GSTM3: variants seen among roughly 807,000 people sequenced by gnomAD.
The protein encoded by GSTM3 is GST class-mu 3.
GSTM3 carries 34 observed loss-of-function variants against 36.1 expected under a neutral mutation model. The ratio of observed to expected loss-of-function variants is 0.94; its 90% CI spans 0.72 to 1.25. GSTM3 has a LOEUF of 1.25. Among genes scored for constraint, GSTM3 ranks in the 50% most tolerant of loss-of-function variants. The pLI is 0.00. For missense variants in GSTM3, 266 were observed against 281.6 expected (o/e 0.94, Z 0.40); for synonymous variants, 102 against 99.5 (o/e 1.03, Z -0.15).
At position 109,740,511 on chromosome 1, in the gene GSTM3, G is replaced by C. The variant is rs1168744883; in HGVS notation, c.-224C>G. On this transcript the variant is annotated splice_region_variant and 5_prime_UTR_variant, in exon 2 of 9. Transcript: ENST00000361066. ...CCCGAGGCGGGACCCGGGCAGGAGTGCTGCAGGAGAGCAAAGGACCCGAGG... is the reference window on the plus strand; with the variant it reads ...CCCGAGGCGGGACCCGGGCAGGAGTCCTGCAGGAGAGCAAAGGACCCGAGG... 1 of 576,000 alleles carries C rather than the reference G, an allele frequency of 1.7e-6. No homozygotes were observed. Among genetic ancestry groups the C allele is most frequent in the African/African-American group, 1.9e-5 (1 of 51,388 alleles). 35.7% of individuals were successfully genotyped at this position (576,000 alleles called of 1,614,324 possible). A position where few individuals can be genotyped will look rare whatever the true frequency, so the allele number is the denominator to read the frequency against.
rs1649311520 is a variant in GSTM3, at chr1:109,739,771, G to GT, written c.124+61dup. Reference sequence around the variant, plus strand: ...GGCGCGACGCCACCACCCTCTGGGCGTAAGAAGACCAGGGCAGGTGGAGGG... The same window carrying GT: ...GGCGCGACGCCACCACCCTCTGGGCGTTAAGAAGACCAGGGCAGGTGGAGGG... On this transcript the variant is annotated intron_variant, in intron 3 of 8. Transcript: ENST00000361066. 3.7e-5 allele frequency: 47 copies of GT among 1,285,606 alleles called. 2 individuals carry two copies. The South Asian group carries it at 5.3e-4, about 15-fold the overall frequency. The allele number at this position is 1,285,606 out of a possible 1,614,324, so 79.6% of individuals were successfully genotyped here.
chr1:109,739,624 C>G, intron 3 of GSTM3, 131 bp from the exon 4 acceptor site: 1 of 771,572 alleles, frequency 1.3e-6, no homozygotes, highest in Non-Finnish European at 2.2e-6. Flanking sequence ...CATTGAGCCT[C>G]TGAGCCCTAT....
chr1:109,740,714 CA>C (rs1469631756), intron 1 of GSTM3, among the ~76,000 whole-genome samples: 1 of 152,214 alleles, frequency 6.6e-6, no homozygotes, highest in African/African-American at 2.4e-5. Flanking sequence ...AAGACTGGGG[CA>C]AGGCCGGAGA....
rs1457592770 is a variant in GSTM3 at position 109,740,381 on chromosome 1, CCCTGACTCCG to C, written c.-104_-95del. The C allele has an allele frequency of 8.8e-7, 1 of 1,135,158 alleles. No individual in the cohort carries two copies. Among genetic ancestry groups the C allele is most frequent in the African/African-American group, 1.5e-5 (1 of 64,604 alleles). 70.3% of individuals were successfully genotyped at this position (1,135,158 alleles called of 1,614,324 possible). A position where few individuals can be genotyped will look rare whatever the true frequency, so the allele number is the denominator to read the frequency against. On this transcript the variant is annotated 5_prime_UTR_variant, in exon 2 of 9. Transcript: ENST00000361066. ...AGGGGGCGGGGCCCACGCGCGGGCGCCCTGACTCCGCCTCCGCCCCGTTCTCCGTCCCTTG... is the reference window on the plus strand; with the variant it reads ...AGGGGGCGGGGCCCACGCGCGGGCGCCCTCCGCCCCGTTCTCCGTCCCTTG...
Position 109,739,417 on chromosome 1 carries a change from A to G in GSTM3, c.189+12T>C. On this transcript the variant is annotated intron_variant, in intron 4 of 8. Transcript: ENST00000361066. ...TTCCCTTCTGCCCGCCACCTCTACTAAAGCCACTTACATTAGGAAAGTCCA... is the reference window on the plus strand; with the variant it reads ...TTCCCTTCTGCCCGCCACCTCTACTGAAGCCACTTACATTAGGAAAGTCCA... 1 of 1,602,516 alleles carries G rather than the reference A, an allele frequency of 6.2e-7. No individual in the cohort carries two copies. The highest frequency in any genetic ancestry group is 8.5e-7 in the Non-Finnish European group (1 of 1,170,034).
chr1:109,738,260 C>G, intron 5 of GSTM3, 25 bp downstream of exon 5: 1 of 1,601,148 alleles, frequency 6.2e-7, no homozygotes. Flanking sequence ...AGCCTGGGGT[C>G]CCTCACCAGC....
Position 109,737,574 on chromosome 1 carries a change from G to C in GSTM3, c.469-7C>G. ...GAAAATCCACAAAGGTGAGCTAGAA[G>C]AAAAGCAATAAGATGCTTAGGTCTG... On this transcript the variant is annotated splice_polypyrimidine_tract_variant and splice_region_variant and intron_variant, in intron 7 of 8. Coordinates refer to ENST00000361066, the MANE Select transcript of GSTM3 (RefSeq NM_000849.5). The C allele has an allele frequency of 4.4e-6, 7 of 1,594,964 alleles. No homozygotes were observed. Among genetic ancestry groups the C allele is most frequent in the Non-Finnish European group, 6.0e-6 (7 of 1,162,786 alleles).
Position 109,736,817 on chromosome 1 carries a change from A to G in GSTM3, c.*254T>C. 2.3e-6 allele frequency: 1 copy of G among 437,322 alleles called. No homozygotes were observed. Among genetic ancestry groups the G allele is most frequent in the Non-Finnish European group, 4.1e-6 (1 of 241,964 alleles). The allele number at this position is 437,322 out of a possible 1,614,324, so 27.1% of individuals were successfully genotyped here. ...TGCAATCTCGTTTTTTCTAGTACCC[A>G]CTCTCAGGGCTTGGGCATGAACCTA... On this transcript the variant is annotated 3_prime_UTR_variant, in exon 9 of 9. Coordinates refer to ENST00000361066, the MANE Select transcript of GSTM3 (RefSeq NM_000849.5).
chr1:109,739,628 G>A, intron 3 of GSTM3, 135 bp from the exon 4 acceptor site: 2 of 763,170 alleles, frequency 2.6e-6, no homozygotes, highest in South Asian at 1.6e-5. Context: ...GAGCCTCTGA[G>A]CCCTATTTGG....
In GSTM3 at chr1:109,737,674, T is replaced by C. The variant is rs760428222; in HGVS notation, c.450A>G (p.Ser150=). The C allele has an allele frequency of 6.3e-7, 1 of 1,598,934 alleles. No individual in the cohort carries two copies. The stretch of plus-strand genomic sequence containing the variant: ...TTCCTACCTTTTCCCCGGCAAACCA[T>C]GAGAATTTCCCCAGAAACATGGAGA... ...KQFSMFLGKF[S]WFAGEKLTFV... Residue 150 remains serine, a synonymous_variant, in exon 7 of 9, where the codon TCA becomes TCG. Transcript: ENST00000361066.
Position 109,738,102 on chromosome 1 carries a change from T to C in GSTM3, c.361A>G (p.Ser121Gly), listed in dbSNP as rs138797459. The C allele has an allele frequency of 3.7e-6, 6 of 1,609,812 alleles. No homozygotes were observed. Among genetic ancestry groups the C allele is most frequent in the East Asian group, 2.2e-5 (1 of 44,866 alleles). Reference protein sequence around the residue: ...FRTQLIRLCYSSDHEKLKPQY... With the variant: ...FRTQLIRLCYGSDHEKLKPQY... Reference sequence around the variant, plus strand: ...CTAAGGAAACTCACGTGGTCAGAGCTGTAACAGAGCCTTATCAGTTGTGTG... The same window carrying C: ...CTAAGGAAACTCACGTGGTCAGAGCCGTAACAGAGCCTTATCAGTTGTGTG... Residue 121 changes from serine (S) to glycine (G), a missense_variant, in exon 6 of 9, where the codon AGC (serine) becomes GGC (glycine). By Grantham distance (56) the Ser-to-Gly change is moderately conservative. Transcript: ENST00000361066.
At chr1:109,740,548 C>T (rs979911448) in intron 1 of GSTM3, 37 bp from the exon 2 acceptor site, 3 of 525,286 alleles carry the variant, frequency 5.7e-6, no homozygotes, top group African/African-American at 2.0e-5. Context: ...TGAGGCTCCT[C>T]CCTTCCCCGC....
At chr1:109,739,315 A>T (rs1649298216) in intron 4 of GSTM3, 114 bp downstream of exon 4, 1 of 629,282 alleles carries the variant, frequency 1.6e-6, no homozygotes. Context: ...TATTTATTCT[A>T]TCCGGGTTAA....
At chr1:109,737,630 A>C in intron 7 of GSTM3, 26 bp downstream of exon 7, 13 of 1,515,974 alleles carry the variant, frequency 8.6e-6, no homozygotes, top group South Asian at 1.1e-5. Context: ...ATAGAGAAGT[A>C]TCCTCTTCTT....
rs755492784 is a variant in GSTM3 at position 109,738,094 on chromosome 1, G to C, written c.369C>G (p.Asp123Glu). 1 of 1,604,864 alleles carries C rather than the reference G, an allele frequency of 6.2e-7. No individual in the cohort carries two copies. The highest frequency in any genetic ancestry group is 8.5e-7 in the Non-Finnish European group (1 of 1,171,572). The change falls in exon 6 of 9, where the codon GAC becomes GAG. Residue 123 changes from aspartate (D) to glutamate (E), a missense_variant. By Grantham distance (45) the Asp-to-Glu change is conservative (BLOSUM62 2). Coordinates refer to ENST00000361066, the MANE Select transcript of GSTM3 (RefSeq NM_000849.5). ...TQLIRLCYSSDHEKLKPQYLE... is the reference protein window; with the variant it reads ...TQLIRLCYSSEHEKLKPQYLE... ...GATGTGTGCTAAGGAAACTCACGTGGTCAGAGCTGTAACAGAGCCTTATCA... is the reference window on the plus strand; with the variant it reads ...GATGTGTGCTAAGGAAACTCACGTGCTCAGAGCTGTAACAGAGCCTTATCA...
At position 109,737,467 on chromosome 1, in the gene GSTM3, C is replaced by G; in HGVS notation, c.569G>C (p.Cys190Ser). Residue 190 changes from cysteine to serine, a missense_variant, in exon 8 of 9, where the codon TGC (cysteine) becomes TCC (serine). Coordinates refer to ENST00000361066, the MANE Select transcript of GSTM3 (RefSeq NM_000849.5). Reference protein sequence around the residue: ...DEFPNLKAFMCRFEALEKIAA... With the variant: ...DEFPNLKAFMSRFEALEKIAA... ...TGCAGGAAACGTCACCTCAAAACGG[C>G]ACATGAAAGCCTTCAGGTTTGGGAA... The G allele has an allele frequency of 6.2e-7, 1 of 1,601,882 alleles. No individual in the cohort carries two copies. Among genetic ancestry groups the G allele is most frequent in the Non-Finnish European group, 8.6e-7 (1 of 1,168,932 alleles).
chr1:109,740,328 G>A lies in GSTM3; in HGVS notation c.-41C>T, dbSNP rs1226478567. The A allele has an allele frequency of 6.3e-7, 1 of 1,587,548 alleles. No individual in the cohort carries two copies. Among genetic ancestry groups the A allele is most frequent in the Non-Finnish European group, 8.6e-7 (1 of 1,157,848 alleles). ...AGCCTTCGAGGACTAGGGAAACTGT[G>A]AGCGGGAGGGGCTTTATACCCGACA... On this transcript the variant is annotated 5_prime_UTR_variant, in exon 2 of 9. Coordinates refer to ENST00000361066, the MANE Select transcript of GSTM3 (RefSeq NM_000849.5).
At position 109,739,485 on chromosome 1, in the gene GSTM3, A is replaced by G. The variant is rs745461176; in HGVS notation, c.133T>C (p.Tyr45His). The G allele has an allele frequency of 6.2e-7, 1 of 1,612,132 alleles. No homozygotes were observed. Among genetic ancestry groups the G allele is most frequent in the Non-Finnish European group, 8.5e-7 (1 of 1,178,430 alleles). ...ACATCCAGCCATTGGCTTCGATCATAGTCAGGAGCTGTAAGAGACGGAATT... is the reference window on the plus strand; with the variant it reads ...ACATCCAGCCATTGGCTTCGATCATGGTCAGGAGCTGTAAGAGACGGAATT... ...KRYTCGEAPD[Y>H]DRSQWLDVKF... Residue 45 changes from tyrosine (Y) to histidine (H), a missense_variant, in exon 4 of 9, where the codon TAT becomes CAT. Tyr to His is a moderately conservative substitution (Grantham distance 83). Coordinates refer to ENST00000361066, the MANE Select transcript of GSTM3 (RefSeq NM_000849.5).
rs775164509 is a variant in GSTM3, at chr1:109,739,876, G to T, written c.81C>A (p.Phe27Leu). The T allele has an allele frequency of 8.4e-6, 13 of 1,555,432 alleles. No homozygotes were observed. The highest frequency in any genetic ancestry group is 1.4e-5 in the African/African-American group (1 of 73,186). ...GTTTCTCCTCATAAGAGGTATCCGT[G>T]AACTCCAGGAGCAGGCGGATGGCGT... ...LAHAIRLLLEFTDTSYEEKRY... is the reference protein window; with the variant it reads ...LAHAIRLLLELTDTSYEEKRY... The change falls in exon 3 of 9, where the codon TTC becomes TTA. Residue 27 changes from phenylalanine to leucine, a missense_variant. Transcript: ENST00000361066.
Sources: allele counts gnomAD v4.1 joint callset (sites outside exome capture counted in the v4.1 genomes callset), GRCh38; gene constraint gnomAD v4.1.1; transcripts MANE v1.5; gene names NCBI Gene and HGNC (gene_info 2026-07-23, HGNC 2026-07-21).